Variants in NXPE2 observed in about 807,000 individuals in gnomAD.
The protein encoded by NXPE2 is neurexophilin and PC-esterase domain family member 2.
NXPE2 carries 34 observed loss-of-function variants against 34.4 expected under a neutral mutation model. The observed-to-expected ratio is 0.99, with a 90% CI of 0.75 to 1.31. The LOEUF (loss-of-function observed/expected upper bound fraction) is 1.31. Among genes scored for constraint, NXPE2 ranks in the 40% most tolerant of loss-of-function variants. The pLI is 0.00. For missense variants in NXPE2, 649 were observed against 672.5 expected, an observed-to-expected ratio of 0.97 and a Z score of 0.39; for synonymous variants, 235 against 231.3, an observed-to-expected ratio of 1.02 and a Z score of -0.15.
the NXPE2 span, among the ~76,000 whole-genome samples, chr11:114,505,851 G>A: frequency 6.6e-6 from 1 of 152,134 alleles, no homozygotes; most frequent in Non-Finnish European, 1.5e-5. Context: ...CATGATGACA[G>A]AATTACATCC....
chr11:114,607,911 C>A, the NXPE2 span, among the ~76,000 whole-genome samples: 1 of 151,900 alleles, frequency 6.6e-6, no homozygotes, highest in African/African-American at 2.4e-5. Context: ...CACAGTTACC[C>A]AATGGATAAT....
chr11:114,696,342 A>C (rs1229799286), intron 2 of NXPE2, among the ~76,000 whole-genome samples: 1,699 of 104,552 alleles, frequency 0.016, 19 homozygotes, highest in Non-Finnish European at 0.023. Context: ...AAAAAAACCA[A>C]AAAAAAAAAA....
the NXPE2 span, among the ~76,000 whole-genome samples, chr11:114,638,777 C>A: frequency 6.6e-6 from 1 of 151,896 alleles, no homozygotes; most frequent in Non-Finnish European, 1.5e-5. Context: ...TGCAGAACAG[C>A]GGATTTTCGT....
At chr11:114,520,846 T>C in the NXPE2 span, among the ~76,000 whole-genome samples, 2 of 152,214 alleles carry the variant, frequency 1.3e-5, no homozygotes, top group African/African-American at 2.4e-5. Flanking sequence ...CCTTCATAGG[T>C]GGTGTTGTAT....
chr11:114,653,106 G>T, the NXPE2 span, among the ~76,000 whole-genome samples: 1 of 151,882 alleles, frequency 6.6e-6, no homozygotes, highest in Non-Finnish European at 1.5e-5. Context: ...TCAAAACAAG[G>T]GTTTTCTAAG....
the NXPE2 span, among the ~76,000 whole-genome samples, chr11:114,473,252 C>G: frequency 1.3e-5 from 2 of 152,144 alleles, no homozygotes. Context: ...TTTTGATTTT[C>G]TCAACATTTC....
intron 2 of NXPE2, among the ~76,000 whole-genome samples, chr11:114,686,510 A>G (rs906520110): frequency 6.6e-5 from 10 of 151,944 alleles, no homozygotes; most frequent in African/African-American, 1.2e-4. Flanking sequence ...TCTTTATTCA[A>G]TCCACCATTG....
At chr11:114,708,849 C>T (rs1355217247), downstream of NXPE2, among the ~76,000 whole-genome samples, 1 of 152,108 alleles carries the variant, frequency 6.6e-6, no homozygotes, top group Non-Finnish European at 1.5e-5. Flanking sequence ...AATGAGTTAT[C>T]GTTTTCCCAT....
At chr11:114,711,596 TGAAAGAAATAGAATACAAATAAATG>T (rs1182267382), downstream of NXPE2, among the ~76,000 whole-genome samples, 1 of 152,140 alleles carries the variant, frequency 6.6e-6, no homozygotes, top group Non-Finnish European at 1.5e-5. Context: ...AAAACATTGC[TGAAAGAAATAGAATACAAATAAATG>T]GAAAGATATC....
At chr11:114,614,626 G>GT in the NXPE2 span, among the ~76,000 whole-genome samples, 39 of 151,836 alleles carry the variant, frequency 2.6e-4, no homozygotes, top group African/African-American at 9.0e-4. Flanking sequence ...CTGTTACCTG[G>GT]TGGATTATAA....
At chr11:114,813,624 A>T in the NXPE2 span, among the ~76,000 whole-genome samples, 1 of 152,232 alleles carries the variant, frequency 6.6e-6, no homozygotes, top group African/African-American at 2.4e-5. Context: ...CTCCACTGAT[A>T]ATGTATCTCA....
At chr11:114,627,187 C>T in the NXPE2 span, among the ~76,000 whole-genome samples, 32 of 151,932 alleles carry the variant, frequency 2.1e-4, no homozygotes, top group Admixed American at 7.2e-4. Context: ...AGATACTCCT[C>T]GAGAAGAGCA....
chr11:114,700,659 A>G (rs1951349066), intron 3 of NXPE2, among the ~76,000 whole-genome samples: 1 of 152,168 alleles, frequency 6.6e-6, no homozygotes, highest in Non-Finnish European at 1.5e-5. Flanking sequence ...GTTCTGAATA[A>G]CTATTTGTTG....
At chr11:114,529,097 T>C in the NXPE2 span, 1 of 330,634 alleles carries the variant, frequency 3.0e-6, no homozygotes, top group Non-Finnish European at 5.4e-6. Context: ...TGAAAGCTTA[T>C]GGAAAAAAGA....
At chr11:114,494,985 T>G in the NXPE2 span, among the ~76,000 whole-genome samples, 2 of 152,204 alleles carry the variant, frequency 1.3e-5, no homozygotes, top group Non-Finnish European at 2.9e-5. Flanking sequence ...CCTTGGTGGT[T>G]TTGGGTGAGA....
the NXPE2 span, among the ~76,000 whole-genome samples, chr11:114,468,669 A>G: frequency 6.6e-6 from 1 of 152,216 alleles, no homozygotes; most frequent in East Asian, 1.9e-4. Context: ...TGAACATTCT[A>G]AAATGCACAG....
the NXPE2 span, among the ~76,000 whole-genome samples, chr11:114,557,634 C>CATATATAT: frequency 1.7e-3 from 220 of 128,390 alleles, no homozygotes; most frequent in Middle Eastern, 4.5e-3. Flanking sequence ...ATATATAATA[C>CATATATAT]ATATATATAT....
chr11:114,756,820 C>G, the NXPE2 span, among the ~76,000 whole-genome samples: 18 of 152,106 alleles, frequency 1.2e-4, no homozygotes, highest in Middle Eastern at 3.4e-3. Flanking sequence ...ACATATGCAG[C>G]CAACAATGTC....
the NXPE2 span, chr11:114,551,173 G>C: frequency 2.0e-6 from 3 of 1,534,786 alleles, no homozygotes; most frequent in Admixed American, 3.9e-5. Flanking sequence ...GATCAGCAGC[G>C]TTTTTTGAAG....
Sources: allele counts gnomAD v4.1 joint callset (sites outside exome capture counted in the v4.1 genomes callset), GRCh38; gene constraint gnomAD v4.1.1; transcripts MANE v1.5; gene names NCBI Gene and HGNC (gene_info 2026-07-23, HGNC 2026-07-21).